SLC38A1: variants seen among roughly 807,000 people sequenced by gnomAD.
The protein encoded by SLC38A1 is sodium-coupled neutral amino acid symporter 1.
SLC38A1 carries 18 observed loss-of-function variants against 60.3 expected under a neutral mutation model. That is an observed-to-expected ratio of 0.30 (90% CI 0.21 to 0.44). The LOEUF is 0.44. SLC38A1 is among the 20% of genes least tolerant of loss of function. SLC38A1 has a pLI of 1.00. For missense variants in SLC38A1, 448 were observed against 587.2 expected, an observed-to-expected ratio of 0.76 and a Z score of 2.45; for synonymous variants, 196 against 212.1, an observed-to-expected ratio of 0.92 and a Z score of 0.66.
intron 5 of SLC38A1, among the ~76,000 whole-genome samples, chr12:46,211,282 A>G (rs1366118475): frequency 6.6e-6 from 1 of 152,200 alleles, no homozygotes; most frequent in Non-Finnish European, 1.5e-5. Flanking sequence ...CTATTCTGGA[A>G]TGACTATGTG....
intron 13 of SLC38A1, among the ~76,000 whole-genome samples, chr12:46,199,337 G>A (rs943554448): frequency 1.3e-5 from 2 of 148,566 alleles, no homozygotes; most frequent in Non-Finnish European, 3.0e-5. Flanking sequence ...GTGTGTGTGT[G>A]TGTGTGTGTG....
chr12:46,262,505 T>G (rs1197634759), intron 1 of SLC38A1, among the ~76,000 whole-genome samples: 1 of 152,214 alleles, frequency 6.6e-6, no homozygotes, highest in Non-Finnish European at 1.5e-5. Context: ...AAATAATTAC[T>G]AAAAACTCAT....
At chr12:46,247,767 G>A (rs1240105859) in intron 1 of SLC38A1, among the ~76,000 whole-genome samples, 1 of 152,204 alleles carries the variant, frequency 6.6e-6, no homozygotes, top group African/African-American at 2.4e-5. Flanking sequence ...AGGCAAAAAT[G>A]TTAAGGGCAG....
In SLC38A1 at chr12:46,197,711, G is replaced by C; in HGVS notation, c.1362+9C>G. On this transcript the variant is annotated intron_variant, in intron 16 of 16. Transcript: ENST00000398637. ...TCAGAAAAGTTAGAGTGGCTGGCAAGAGACATACCCAAATTCTTTGAGTTC... is the reference window on the plus strand; with the variant it reads ...TCAGAAAAGTTAGAGTGGCTGGCAACAGACATACCCAAATTCTTTGAGTTC... 1 of 1,537,344 alleles carries C rather than the reference G, an allele frequency of 6.5e-7. No homozygotes were observed. Among genetic ancestry groups the C allele is most frequent in the Non-Finnish European group, 8.9e-7 (1 of 1,126,862 alleles).
At chr12:46,209,181 G>A in intron 5 of SLC38A1, 54 bp from the exon 6 acceptor site, 1 of 1,282,704 alleles carries the variant, frequency 7.8e-7, no homozygotes, top group Non-Finnish European at 1.1e-6. Flanking sequence ...ATATATTCTG[G>A]CATTACAGTT....
chr12:46,208,534 A>G (rs1159701487), intron 6 of SLC38A1, among the ~76,000 whole-genome samples: 1 of 152,218 alleles, frequency 6.6e-6, no homozygotes, highest in Non-Finnish European at 1.5e-5. Context: ...TCAAAGAATT[A>G]CAAACATAAT....
At chr12:46,251,359 G>A (rs914743692) in intron 1 of SLC38A1, among the ~76,000 whole-genome samples, 1 of 152,150 alleles carries the variant, frequency 6.6e-6, no homozygotes, top group Non-Finnish European at 1.5e-5. Context: ...ATGGATTAAA[G>A]ACCTAAGTGT....
intron 9 of SLC38A1, 116 bp from the exon 10 acceptor site, chr12:46,204,706 C>CATTAT: frequency 1.4e-6 from 1 of 689,906 alleles, no homozygotes; most frequent in Non-Finnish European, 2.4e-6. Flanking sequence ...TATTTCAGTG[C>CATTAT]ATTATTTGAA....
At chr12:46,241,515 T>C (rs139018718) in intron 2 of SLC38A1, among the ~76,000 whole-genome samples, 3 of 152,306 alleles carry the variant, frequency 2.0e-5, no homozygotes, top group Non-Finnish European at 4.4e-5. Flanking sequence ...CCTTGTCTTG[T>C]CTTCAGGGCA....
intron 1 of SLC38A1, among the ~76,000 whole-genome samples, chr12:46,256,663 C>G (rs1360566128): frequency 8.1e-5 from 6 of 74,458 alleles, no homozygotes; most frequent in Admixed American, 6.4e-4. Flanking sequence ...AGAGAGAGAC[C>G]AGAAGTCTGG....
At chr12:46,226,617 CTTTTTT>C (rs199599486) in intron 5 of SLC38A1, among the ~76,000 whole-genome samples, 1 of 122,982 alleles carries the variant, frequency 8.1e-6, no homozygotes, top group Non-Finnish European at 1.8e-5. Context: ...CATGGATTTC[CTTTTTT>C]TTTTTTTTTT....
At chr12:46,249,086 G>T (rs1941734206) in intron 1 of SLC38A1, among the ~76,000 whole-genome samples, 1 of 150,004 alleles carries the variant, frequency 6.7e-6, no homozygotes. Context: ...AACCTGGGAG[G>T]CAGAGTTTGC....
At chr12:46,224,521 G>A (rs1235964531) in intron 5 of SLC38A1, among the ~76,000 whole-genome samples, 1 of 152,198 alleles carries the variant, frequency 6.6e-6, no homozygotes, top group African/African-American at 2.4e-5. Flanking sequence ...CCCAGCCTCA[G>A]GGAGACACTA....
chr12:46,248,958 C>T (rs1941726364), intron 1 of SLC38A1, among the ~76,000 whole-genome samples: 1 of 151,954 alleles, frequency 6.6e-6, no homozygotes, highest in Non-Finnish European at 1.5e-5. Context: ...AGATCAAGAC[C>T]ATCCTGGCTA....
intron 1 of SLC38A1, among the ~76,000 whole-genome samples, chr12:46,256,164 TCAAA>T (rs1942015412): frequency 1.1e-5 from 1 of 87,454 alleles, no homozygotes. Flanking sequence ...AGGTTCTATC[TCAAA>T]AAAAAAAAAA....
At chr12:46,236,402 C>T (rs1941260983) in intron 3 of SLC38A1, among the ~76,000 whole-genome samples, 1 of 152,128 alleles carries the variant, frequency 6.6e-6, no homozygotes, top group South Asian at 2.1e-4. Flanking sequence ...AGCCTATGTT[C>T]TTAACCTACA....
rs11183387 is a variant in SLC38A1 at position 46,187,258 on chromosome 12, A to T, written c.*1712T>A. On this transcript the variant is annotated 3_prime_UTR_variant, in exon 17 of 17. Transcript: ENST00000398637. The stretch of plus-strand genomic sequence containing the variant: ...AAGGCCTTTGGGGATTTGAGTCAGG[A>T]AGGGAACATGGCTAAGTGCCTGGAA... 4 of 152,214 alleles carry T rather than the reference A, an allele frequency of 2.6e-5. No homozygotes were observed. Among genetic ancestry groups the T allele is most frequent in the Non-Finnish European group, 5.9e-5 (4 of 68,060 alleles). 9.4% of individuals were successfully genotyped at this position (152,214 alleles called of 1,614,324 possible). A position where few individuals can be genotyped will look rare whatever the true frequency, so the allele number is the denominator to read the frequency against.
intron 3 of SLC38A1, among the ~76,000 whole-genome samples, chr12:46,238,954 A>G (rs1252933222): frequency 6.6e-6 from 1 of 152,232 alleles, no homozygotes; most frequent in Non-Finnish European, 1.5e-5. Context: ...AGGATGACAC[A>G]CTTGTAGTTT....
intron 5 of SLC38A1, among the ~76,000 whole-genome samples, chr12:46,209,608 T>C (rs1184468364): frequency 1.3e-5 from 2 of 152,222 alleles, no homozygotes; most frequent in Non-Finnish European, 2.9e-5. Context: ...AGCCAAATGA[T>C]GTCTAGGGTT....
Sources: gnomAD v4.1 joint callset for allele counts (sites outside exome capture counted in the v4.1 genomes callset) on GRCh38, gnomAD v4.1.1 for gene constraint, MANE v1.5 for transcripts, NCBI Gene and HGNC (gene_info 2026-07-23, HGNC 2026-07-21) for gene names.